PRKCD: variants seen among roughly 807,000 people sequenced by gnomAD.
The protein encoded by PRKCD is protein kinase C delta type.
Under a neutral mutation model 82.2 loss-of-function variants are expected in PRKCD, and 20 were observed. The observed-to-expected ratio is 0.24, with a 90% CI of 0.17 to 0.35. PRKCD has a LOEUF of 0.35. Ranked by LOEUF, PRKCD falls within the 10% of genes least tolerant of loss-of-function variation. The pLI is 1.00. For synonymous variants in PRKCD, 317 were observed against 337.0 expected (o/e 0.94, Z 0.65); for missense variants, 607 against 899.0 (o/e 0.68, Z 4.15).
At chr3:53,172,805 C>G (rs1168588311) in intron 2 of PRKCD, among the ~76,000 whole-genome samples, 1 of 152,198 alleles carries the variant, frequency 6.6e-6, no homozygotes, top group Admixed American at 6.5e-5. Flanking sequence ...TGCTCTCACA[C>G]ACCTCCCCGC....
intron 2 of PRKCD, among the ~76,000 whole-genome samples, chr3:53,172,575 C>T (rs1476915623): frequency 6.6e-6 from 1 of 152,240 alleles, no homozygotes; most frequent in Non-Finnish European, 1.5e-5. Flanking sequence ...TGCCACCTGC[C>T]ATGCAGTTGT....
chr3:53,170,343 C>G (rs1170205425), intron 2 of PRKCD, among the ~76,000 whole-genome samples: 8 of 152,368 alleles, frequency 5.3e-5, no homozygotes, highest in African/African-American at 1.9e-4. Flanking sequence ...ATTGCTCAAC[C>G]TCTCTTTCGG....
intron 17 of PRKCD, 85 bp from the exon 18 acceptor site, chr3:53,189,788 G>A: frequency 6.3e-7 from 1 of 1,582,774 alleles, no homozygotes. Flanking sequence ...GCCTGGCTTT[G>A]CATCCCTGGG....
chr3:53,162,275 G>C (rs528487020), intron 1 of PRKCD, among the ~76,000 whole-genome samples: 7 of 152,172 alleles, frequency 4.6e-5, no homozygotes, highest in South Asian at 4.2e-4. Context: ...GAGGTCGGGG[G>C]GGGGGGTCCT....
intron 4 of PRKCD, among the ~76,000 whole-genome samples, chr3:53,179,985 C>G (rs1180084242): frequency 3.9e-5 from 6 of 152,170 alleles, no homozygotes; most frequent in Admixed American, 1.3e-4. Context: ...TTCCCAGCCT[C>G]TCTGAGCTTC....
At chr3:53,179,378 A>G (rs1553666644) in intron 3 of PRKCD, 199 bp from the exon 4 acceptor site, 13 of 737,786 alleles carry the variant, frequency 1.8e-5, no homozygotes, top group Non-Finnish European at 2.7e-5. Context: ...AGGAAGAGGG[A>G]ACAGCAGGAA....
chr3:53,175,508 G>A (rs1407756683), intron 2 of PRKCD, among the ~76,000 whole-genome samples: 1 of 152,142 alleles, frequency 6.6e-6, no homozygotes, highest in Non-Finnish European at 1.5e-5. Flanking sequence ...AAGGTCAAGT[G>A]ACCTGCACAG....
intron 3 of PRKCD, 74 bp downstream of exon 3, chr3:53,178,611 C>A: frequency 7.8e-7 from 1 of 1,279,274 alleles, no homozygotes; most frequent in Non-Finnish European, 1.1e-6. Context: ...GGGGGCCTGG[C>A]CTTGTTCCCT....
intron 2 of PRKCD, among the ~76,000 whole-genome samples, 162 bp from the exon 3 acceptor site, chr3:53,178,242 T>G (rs901951841): frequency 6.6e-6 from 1 of 152,166 alleles, no homozygotes; most frequent in Non-Finnish European, 1.5e-5. Context: ...CTGGCAAACC[T>G]CTCAGTTTTT....
intron 10 of PRKCD, 58 bp downstream of exon 10, chr3:53,185,032 G>T (rs1703621367): frequency 1.3e-6 from 2 of 1,482,062 alleles, no homozygotes; most frequent in Non-Finnish European, 1.9e-6. Flanking sequence ...GACAGTCAAG[G>T]CTTACAGCCA....
At chr3:53,180,679 C>T (rs1283316078) in intron 4 of PRKCD, among the ~76,000 whole-genome samples, 1 of 152,156 alleles carries the variant, frequency 6.6e-6, no homozygotes, top group African/African-American at 2.4e-5. Context: ...GCTGTCTCCG[C>T]TCCCCCAAGG....
chr3:53,189,877 T>G lies in PRKCD; in HGVS notation c.1748T>G (p.Phe583Cys). 6.2e-7 allele frequency: 1 copy of G among 1,614,164 alleles called. No individual in the cohort carries two copies. Among genetic ancestry groups the G allele is most frequent in the Non-Finnish European group, 8.5e-7 (1 of 1,180,006 alleles). ...AGGGTCCCTGCTGGGTTGCAGCTCTTTGAAAGGGAACCAACCAAGAGGCTG... is the reference window on the plus strand; with the variant it reads ...AGGGTCCCTGCTGGGTTGCAGCTCTGTGAAAGGGAACCAACCAAGAGGCTG... ...KESKDILEKL[F>C]EREPTKRLGV... The change falls in exon 18 of 19, where the codon TTT becomes TGT. Residue 583 changes from phenylalanine (F) to cysteine (C), a missense_variant. By Grantham distance (205) the Phe-to-Cys change is radical. Coordinates refer to ENST00000330452, the MANE Select transcript of PRKCD (RefSeq NM_006254.4).
intron 2 of PRKCD, among the ~76,000 whole-genome samples, chr3:53,174,333 G>A (rs1173717427): frequency 6.6e-6 from 1 of 152,220 alleles, no homozygotes; most frequent in Non-Finnish European, 1.5e-5. Context: ...TTAGGCAGCT[G>A]GGAAAGGCCT....
At chr3:53,168,714 A>T (rs1214546291) in intron 2 of PRKCD, among the ~76,000 whole-genome samples, 1 of 151,818 alleles carries the variant, frequency 6.6e-6, no homozygotes, top group Non-Finnish European at 1.5e-5. Flanking sequence ...GCAAGCCCAG[A>T]GGCTCCTAAG....
chr3:53,189,729 T>G, intron 17 of PRKCD, 144 bp from the exon 18 acceptor site: 1 of 1,106,626 alleles, frequency 9.0e-7, no homozygotes, highest in Admixed American at 2.1e-5. Flanking sequence ...CAGGCCAGAG[T>G]GGCCTCCCTC....
chr3:53,181,813 C>T, intron 7 of PRKCD, 81 bp downstream of exon 7: 2 of 1,591,748 alleles, frequency 1.3e-6, no homozygotes, highest in Non-Finnish European at 1.7e-6. Flanking sequence ...ATGCCAGTGC[C>T]TGTGTGCGCT....
chr3:53,180,262 C>T (rs1254322615), intron 4 of PRKCD, among the ~76,000 whole-genome samples: 2 of 152,260 alleles, frequency 1.3e-5, no homozygotes, highest in African/African-American at 4.8e-5. Flanking sequence ...TTCCCAGAGG[C>T]ACCCATTATC....
At chr3:53,185,037 C>T in intron 10 of PRKCD, 63 bp downstream of exon 10, 1 of 1,441,212 alleles carries the variant, frequency 6.9e-7, no homozygotes, top group Non-Finnish European at 9.8e-7. Context: ...TCAAGGCTTA[C>T]AGCCACTGCT....
chr3:53,178,369 C>T, intron 2 of PRKCD, 35 bp from the exon 3 acceptor site: 2 of 1,490,318 alleles, frequency 1.3e-6, no homozygotes, highest in South Asian at 1.2e-5. Flanking sequence ...GCTGGTCCCG[C>T]CCGGCCGCCT....
Sources: allele counts gnomAD v4.1 joint callset (sites outside exome capture counted in the v4.1 genomes callset), GRCh38; gene constraint gnomAD v4.1.1; transcripts MANE v1.5; gene names NCBI Gene and HGNC (gene_info 2026-07-23, HGNC 2026-07-21).